Variants in MDGA2 observed in about 807,000 individuals in gnomAD.
MDGA2 encodes MAM domain-containing glycosylphosphatidylinositol anchor protein 2.
A neutral mutation model predicts 117.8 loss-of-function variants in MDGA2; 40 were observed. That is an observed-to-expected ratio of 0.34 (90% CI 0.26 to 0.44). MDGA2 has a LOEUF of 0.44. Among genes scored for constraint, MDGA2 ranks in the 20% least tolerant of loss-of-function variants. MDGA2 has a pLI of 1.00. For synonymous variants in MDGA2, 452 were observed against 439.0 expected (o/e 1.03, Z -0.37); for missense variants, 1,123 against 1,250.6 (o/e 0.90, Z 1.54).
chr14:47,165,166 G>T (rs1046740490), intron 3 of MDGA2, among the ~76,000 whole-genome samples: 2 of 151,870 alleles, frequency 1.3e-5, no homozygotes, highest in Non-Finnish European at 2.9e-5. Context: ...CAAGTTAATG[G>T]GTGCAGCACA....
intron 8 of MDGA2, among the ~76,000 whole-genome samples, chr14:47,005,567 A>AT (rs1245453035): frequency 2.0e-5 from 3 of 151,296 alleles, no homozygotes. Flanking sequence ...GTTGGTAGGG[A>AT]TTTTTTTACA....
chr14:47,038,013 T>A lies in MDGA2; in HGVS notation c.1526-2709A>T, dbSNP rs947014489. 3.9e-5 allele frequency among the ~76,000 whole-genome samples: 6 copies of A among 152,166 alleles called. No individual in the cohort carries two copies. The East Asian group carries it at 1.2e-3, about 29-fold the overall frequency. On this transcript the variant is annotated intron_variant, in intron 7 of 16. Coordinates refer to ENST00000399232, the MANE Select transcript of MDGA2 (RefSeq NM_001113498.3). ...GGTGCAATCTCTGCTCAGTGCAACCTCTGCCTCCCGGGTTCAAGTGATTGT... is the reference window on the plus strand; with the variant it reads ...GGTGCAATCTCTGCTCAGTGCAACCACTGCCTCCCGGGTTCAAGTGATTGT...
At chr14:47,375,444 T>A (rs1697378340) in intron 1 of MDGA2, among the ~76,000 whole-genome samples, 1 of 152,084 alleles carries the variant, frequency 6.6e-6, no homozygotes, top group African/African-American at 2.4e-5. Context: ...TCCTCCTTAA[T>A]CTGGCCTCAT....
chr14:47,232,169 C>T (rs1364687074), intron 2 of MDGA2, among the ~76,000 whole-genome samples: 1 of 151,996 alleles, frequency 6.6e-6, no homozygotes, highest in Non-Finnish European at 1.5e-5. Flanking sequence ...GAATTCAGAA[C>T]CAGATTAAGT....
chr14:47,600,714 T>C (rs1040850776), intron 1 of MDGA2, among the ~76,000 whole-genome samples: 3 of 139,992 alleles, frequency 2.1e-5, no homozygotes, highest in African/African-American at 9.8e-5. Flanking sequence ...TCTTTTCTCA[T>C]CGGATCATTA....
intron 1 of MDGA2, among the ~76,000 whole-genome samples, chr14:47,568,581 T>C (rs1023146432): frequency 1.2e-4 from 18 of 152,206 alleles, no homozygotes; most frequent in Admixed American, 2.6e-4. Flanking sequence ...TTAAATTTCA[T>C]AGATATTGCC....
At chr14:46,966,846 A>G (rs1292532384) in intron 8 of MDGA2, among the ~76,000 whole-genome samples, 1 of 152,120 alleles carries the variant, frequency 6.6e-6, no homozygotes, top group African/African-American at 2.4e-5. Context: ...AGAGATATCT[A>G]CCTTATTTGG....
chr14:46,943,396 T>C (rs192924649), intron 9 of MDGA2, among the ~76,000 whole-genome samples: 63 of 152,214 alleles, frequency 4.1e-4, no homozygotes, highest in Admixed American at 2.9e-3. Context: ...TTACATTTAC[T>C]GTAATTATTA....
At chr14:47,544,316 C>A (rs920350988) in intron 1 of MDGA2, among the ~76,000 whole-genome samples, 2 of 152,080 alleles carry the variant, frequency 1.3e-5, no homozygotes, top group African/African-American at 2.4e-5. Context: ...GTAAAATATA[C>A]AATTTTCCTA....
At chr14:47,432,160 ATAAC>A (rs1892812350) in intron 1 of MDGA2, among the ~76,000 whole-genome samples, 4 of 152,080 alleles carry the variant, frequency 2.6e-5, no homozygotes, top group African/African-American at 9.7e-5. Flanking sequence ...AGACTGTAGA[ATAAC>A]TAAGATTCAC....
chr14:47,346,923 T>C (rs1315303131), intron 1 of MDGA2, among the ~76,000 whole-genome samples: 2 of 152,158 alleles, frequency 1.3e-5, no homozygotes, highest in African/African-American at 4.8e-5. Context: ...AACGGTTCAG[T>C]GTGTCTTTTT....
At chr14:47,461,040 A>G (rs1445137049) in intron 1 of MDGA2, among the ~76,000 whole-genome samples, 1 of 152,144 alleles carries the variant, frequency 6.6e-6, no homozygotes, top group African/African-American at 2.4e-5. Context: ...TTGTTTTTTG[A>G]AATCCGAGGG....
At chr14:46,843,466 T>C (rs1880698842) in intron 16 of MDGA2, among the ~76,000 whole-genome samples, 1 of 152,180 alleles carries the variant, frequency 6.6e-6, no homozygotes, top group Non-Finnish European at 1.5e-5. Context: ...TTGAGGAGAA[T>C]ACATGTTTTC....
intron 1 of MDGA2, among the ~76,000 whole-genome samples, chr14:47,586,645 T>TG (rs1047381550): frequency 6.6e-6 from 1 of 151,916 alleles, no homozygotes; most frequent in Non-Finnish European, 1.5e-5. Flanking sequence ...AGCATTCATT[T>TG]GGCAGTGGTT....
chr14:47,353,571 G>A lies in MDGA2; in HGVS notation c.281-52021C>T, dbSNP rs568074512. Among the ~76,000 whole-genome samples, 197 of 152,230 alleles carry A rather than the reference G, an allele frequency of 1.3e-3. 1 individual carries two copies. Among genetic ancestry groups the A allele is most frequent in the Non-Finnish European group, 2.0e-3 (138 of 68,018 alleles). ...TGATTAAGTTAAAACGAGATTGTAC[G>A]AAGGAATCTGAATCCAATCTGCCTG... On this transcript the variant is annotated intron_variant, in intron 1 of 16. Coordinates refer to ENST00000399232, the MANE Select transcript of MDGA2 (RefSeq NM_001113498.3).
chr14:47,604,641 T>A (rs980819440), intron 1 of MDGA2, among the ~76,000 whole-genome samples: 8 of 151,958 alleles, frequency 5.3e-5, no homozygotes, highest in South Asian at 2.1e-4. Flanking sequence ...TAGTCTTCAA[T>A]CTTGGTTTTA....
intron 7 of MDGA2, chr14:47,058,722 A>G (rs552962843): frequency 2.0e-6 from 2 of 985,408 alleles, no homozygotes; most frequent in African/African-American, 3.5e-5. Flanking sequence ...GCAAATTGGA[A>G]CATCAAAGGT....
In MDGA2 at chr14:46,958,721, G is replaced by A. The variant is rs193032607; in HGVS notation, c.1820-1078C>T. On this transcript the variant is annotated intron_variant, in intron 8 of 16. Transcript: ENST00000399232. ...ATGCACCTGTCAATTACATCCAGAA[G>A]CAGTGTTTCTTCATTTCCAAACATA... Among the ~76,000 whole-genome samples the A allele has an allele frequency of 8.5e-4, 130 of 152,330 alleles. 1 individual carries two copies. The highest frequency in any genetic ancestry group is 3.0e-3 in the African/African-American group (124 of 41,576).
intron 6 of MDGA2, among the ~76,000 whole-genome samples, chr14:47,074,887 TC>T (rs1890433909): frequency 6.6e-6 from 1 of 152,198 alleles, no homozygotes; most frequent in Non-Finnish European, 1.5e-5. Flanking sequence ...GTTGCTTATT[TC>T]CCATTGTCCG....
Sources: gnomAD v4.1 joint callset for allele counts (sites outside exome capture counted in the v4.1 genomes callset) on GRCh38, gnomAD v4.1.1 for gene constraint, MANE v1.5 for transcripts, NCBI Gene and HGNC (gene_info 2026-07-23, HGNC 2026-07-21) for gene names.